Variants in ZFP82 observed in about 807,000 individuals in gnomAD.
ZFP82 encodes the protein ZFP82 zinc finger protein.
Under a neutral mutation model 54.0 loss-of-function variants are expected in ZFP82, and 30 were observed. The ratio of observed to expected loss-of-function variants is 0.56; its 90% CI spans 0.42 to 0.75. The LOEUF (loss-of-function observed/expected upper bound fraction) is 0.75, where lower values mean the gene tolerates loss of function less well. Among genes scored for constraint, ZFP82 ranks in the 30% least tolerant of loss-of-function variants. The pLI is 0.00. For missense variants in ZFP82, 500 were observed against 636.8 expected (o/e 0.79, Z 2.31); for synonymous variants, 194 against 209.5 (o/e 0.93, Z 0.64).
rs892941411 is a variant in ZFP82, at chr19:36,390,663, T to A, written c.*2078A>T. On this transcript the variant is annotated 3_prime_UTR_variant, in exon 5 of 5. Coordinates refer to ENST00000392161, the MANE Select transcript of ZFP82 (RefSeq NM_133466.4). ...ATAAGCTTCCTATCCATTTTTCACCTAATGGTCTTCGCATCCATTGCTATC... is the reference window on the plus strand; with the variant it reads ...ATAAGCTTCCTATCCATTTTTCACCAAATGGTCTTCGCATCCATTGCTATC... 1.6e-4 allele frequency: 25 copies of A among 152,224 alleles called. No individual in the cohort carries two copies. The highest frequency in any genetic ancestry group is 5.3e-4 in the African/African-American group (22 of 41,462). The allele number at this position is 152,224 out of a possible 1,614,324, so 9.4% of individuals were successfully genotyped here.
intron 4 of ZFP82, among the ~76,000 whole-genome samples, chr19:36,401,521 C>T (rs763781679): frequency 1.3e-5 from 2 of 152,178 alleles, no homozygotes; most frequent in Non-Finnish European, 2.9e-5. Flanking sequence ...GTTCTTTTGA[C>T]AGCGCCTTCA....
chr19:36,410,038 T>A (rs2032551283), intron 1 of ZFP82, among the ~76,000 whole-genome samples, 171 bp from the exon 2 acceptor site: 1 of 152,122 alleles, frequency 6.6e-6, no homozygotes, highest in Non-Finnish European at 1.5e-5. Context: ...TGAGGGAGTC[T>A]GGACGAGTCT....
chr19:36,410,221 G>A (rs1404410659), intron 1 of ZFP82, among the ~76,000 whole-genome samples: 1 of 152,136 alleles, frequency 6.6e-6, no homozygotes, highest in Admixed American at 6.5e-5. Flanking sequence ...AGCCCTGCTT[G>A]CAGCCAGAAC....
intron 4 of ZFP82, among the ~76,000 whole-genome samples, chr19:36,403,403 A>T (rs2032426242): frequency 7.2e-6 from 1 of 139,704 alleles, no homozygotes; most frequent in African/African-American, 2.7e-5. Context: ...GGTGGATCAC[A>T]AGGTCAGGAG....
chr19:36,409,659 G>A (rs1170715586), intron 2 of ZFP82, 122 bp downstream of exon 2: 1 of 1,016,024 alleles, frequency 9.8e-7, no homozygotes, highest in African/African-American at 1.6e-5. Flanking sequence ...ACCCGCCACT[G>A]GATTTGGAAG....
chr19:36,391,198 T>C lies in ZFP82; in HGVS notation c.*1543A>G, dbSNP rs2032193532. On this transcript the variant is annotated 3_prime_UTR_variant, in exon 5 of 5. Coordinates refer to ENST00000392161, the MANE Select transcript of ZFP82 (RefSeq NM_133466.4). ...TCCATTCTTTTCCTTTATTTGTTAATAATGCTCTAGTATGCTCCATAACTA... is the reference window on the plus strand; with the variant it reads ...TCCATTCTTTTCCTTTATTTGTTAACAATGCTCTAGTATGCTCCATAACTA... The C allele has an allele frequency of 6.6e-6, 1 of 152,024 alleles. No individual in the cohort carries two copies. The highest frequency in any genetic ancestry group is 2.4e-5 in the African/African-American group (1 of 41,376). The allele number at this position is 152,024 out of a possible 1,614,324, so 9.4% of individuals were successfully genotyped here. A position where few individuals can be genotyped will look rare whatever the true frequency, so the allele number is the denominator to read the frequency against.
chr19:36,406,917 C>T (rs1256305047), intron 3 of ZFP82, among the ~76,000 whole-genome samples: 1 of 152,048 alleles, frequency 6.6e-6, no homozygotes, highest in Non-Finnish European at 1.5e-5. Flanking sequence ...TATCCATCAC[C>T]TCAAATATTT....
rs780296070 is a variant in ZFP82 at position 36,402,195 on chromosome 19, A to G, written c.229+3385T>C. Among the ~76,000 whole-genome samples, 2 of 152,318 alleles carry G rather than the reference A, an allele frequency of 1.3e-5. 1 individual carries two copies. Among genetic ancestry groups the G allele is most frequent in the Middle Eastern group, 6.8e-3 (2 of 294 alleles). On this transcript the variant is annotated intron_variant, in intron 4 of 4. Coordinates refer to ENST00000392161, the MANE Select transcript of ZFP82 (RefSeq NM_133466.4). Reference sequence around the variant, plus strand: ...TTTAAAATAGATTAGGAGGCCGGGCACAGTGGCTCACGCCTGTAATCCCAG... The same window carrying G: ...TTTAAAATAGATTAGGAGGCCGGGCGCAGTGGCTCACGCCTGTAATCCCAG...
intron 1 of ZFP82, among the ~76,000 whole-genome samples, chr19:36,417,677 G>A (rs2145605372): frequency 6.6e-6 from 1 of 152,264 alleles, no homozygotes; most frequent in African/African-American, 2.4e-5. Context: ...ACATAAGAGA[G>A]ATGGTGTTGT....
intron 4 of ZFP82, among the ~76,000 whole-genome samples, chr19:36,400,004 A>G (rs1009662919): frequency 2.6e-5 from 4 of 152,216 alleles, no homozygotes; most frequent in African/African-American, 9.6e-5. Context: ...ATACTGGCAA[A>G]CAGACATACA....
At position 36,404,014 on chromosome 19, in the gene ZFP82, T is replaced by C. The variant is rs1600104967; in HGVS notation, c.229+1566A>G. Among the ~76,000 whole-genome samples, 7 of 152,348 alleles carry C rather than the reference T, an allele frequency of 4.6e-5. No individual in the cohort carries two copies. The South Asian group carries it at 1.0e-3, about 23-fold the overall frequency. ...CCCTTACTCTGCTTACTTTTCTTCA[T>C]AGCACTCTCATTACCTGACATTGTA... On this transcript the variant is annotated intron_variant, in intron 4 of 4. Transcript: ENST00000392161.
intron 4 of ZFP82, among the ~76,000 whole-genome samples, chr19:36,402,468 C>CAAAAAAAAAAA (rs377338348): frequency 0.074 from 4,243 of 57,160 alleles, 1,021 homozygotes; most frequent in African/African-American, 0.1. Context: ...GACTCCATCT[C>CAAAAAAAAAAA]AAAAAAAAAA....
At chr19:36,388,300 C>T (rs2032138709), downstream of ZFP82, among the ~76,000 whole-genome samples, 1 of 151,884 alleles carries the variant, frequency 6.6e-6, no homozygotes, top group South Asian at 2.1e-4. Context: ...AGGTATTTAT[C>T]CTCATCTAAT....
At chr19:36,397,219 A>G (rs2032311149) in intron 4 of ZFP82, among the ~76,000 whole-genome samples, 1 of 151,166 alleles carries the variant, frequency 6.6e-6, no homozygotes, top group South Asian at 2.1e-4. Context: ...CAGCCTCCTG[A>G]GTAGCTGGGA....
intron 1 of ZFP82, among the ~76,000 whole-genome samples, chr19:36,416,459 A>G (rs1259957899): frequency 6.6e-6 from 1 of 152,168 alleles, no homozygotes; most frequent in Non-Finnish European, 1.5e-5. Flanking sequence ...CTTCTGGTTA[A>G]GAATTCCTGT....
At chr19:36,410,610 C>A (rs941651247) in intron 1 of ZFP82, among the ~76,000 whole-genome samples, 4 of 152,002 alleles carry the variant, frequency 2.6e-5, no homozygotes, top group African/African-American at 9.7e-5. Flanking sequence ...TCAAGCAATT[C>A]TTCTGCCTCA....
At chr19:36,384,159 C>CAGTAATAAA (rs1373400227), downstream of ZFP82, 1 of 151,932 alleles carries the variant, frequency 6.6e-6, no homozygotes, top group Non-Finnish European at 1.5e-5. Context: ...TGCTTATGTA[C>CAGTAATAAA]AGTAATAAAC....
chr19:36,393,040 G>A lies in ZFP82; in HGVS notation c.1300C>T (p.Leu434Phe), dbSNP rs2032228870. The change falls in exon 5 of 5, where the codon CTT becomes TTT. Residue 434 changes from leucine (L) to phenylalanine (F), a missense_variant. Transcript: ENST00000392161. ...CTCTGATGCTGTGTGAGTTGTGAAA[G>A]TAGTCTGAAGGCCTTCCCGCATTCC... ...CKECGKAFRL[L>F]SQLTQHQSIH... 3.1e-6 allele frequency: 5 copies of A among 1,614,038 alleles called. No homozygotes were observed. Among genetic ancestry groups the A allele is most frequent in the Non-Finnish European group, 4.2e-6 (5 of 1,180,038 alleles).
At position 36,393,262 on chromosome 19, in the gene ZFP82, G is replaced by T; in HGVS notation, c.1078C>A (p.His360Asn). The T allele has an allele frequency of 3.1e-6, 5 of 1,613,926 alleles. No individual in the cohort carries two copies. Among genetic ancestry groups the T allele is most frequent in the Non-Finnish European group, 4.2e-6 (5 of 1,179,978 alleles). The change falls in exon 5 of 5, where the codon CAT becomes AAT. Residue 360 changes from histidine to asparagine, a missense_variant. By Grantham distance (68) the His-to-Asn change is moderately conservative. Coordinates refer to ENST00000392161, the MANE Select transcript of ZFP82 (RefSeq NM_133466.4). ...RQQLTLHQRI[H>N]TGEKPYECKE... ...CATTCATAGGGTTTCTCACCAGTAT[G>T]AATTCTCTGATGGAGTGTTAGTTGT...
Sources: gnomAD v4.1 joint callset for allele counts (sites outside exome capture counted in the v4.1 genomes callset) on GRCh38, gnomAD v4.1.1 for gene constraint, MANE v1.5 for transcripts, NCBI Gene and HGNC (gene_info 2026-07-23, HGNC 2026-07-21) for gene names.